Variants in MEGF11 observed in about 807,000 individuals in gnomAD.
MEGF11 encodes multiple EGF like domains 11, also known as multiple epidermal growth factor-like domains protein 11.
MEGF11 carries 126 observed loss-of-function variants against 146.6 expected under a neutral mutation model. The ratio of observed to expected loss-of-function variants is 0.86; its 90% CI spans 0.74 to 1.00. The LOEUF (loss-of-function observed/expected upper bound fraction) is 1.00, where lower values mean the gene tolerates loss of function less well. MEGF11 is among the 50% of genes least tolerant of loss of function. MEGF11 has a pLI of 0.00. For missense variants in MEGF11, 1,509 were observed against 1,521.2 expected, an observed-to-expected ratio of 0.99 and a Z score of 0.13; for synonymous variants, 532 against 583.4, an observed-to-expected ratio of 0.91 and a Z score of 1.27.
chr15:66,217,855 C>A (rs1209538403), intron 1 of MEGF11, among the ~76,000 whole-genome samples: 1 of 152,194 alleles, frequency 6.6e-6, no homozygotes, highest in Non-Finnish European at 1.5e-5. Flanking sequence ...CCCCAAGCAT[C>A]CCTCCCCAGA....
chr15:66,008,439 A>ACACACACACG (rs1567199799), intron 5 of MEGF11, among the ~76,000 whole-genome samples: 11 of 149,398 alleles, frequency 7.4e-5, no homozygotes, highest in Non-Finnish European at 1.3e-4. Context: ...ACACACACAC[A>ACACACACACG]CACACACACA....
chr15:66,040,374 G>C (rs542735861), intron 5 of MEGF11: 1 of 154,568 alleles, frequency 6.5e-6, no homozygotes, highest in South Asian at 2.0e-4. Context: ...GAGGCACTTC[G>C]GACTGGCTCT....
chr15:65,948,357 C>T (rs1417044705), intron 10 of MEGF11, among the ~76,000 whole-genome samples: 1 of 152,078 alleles, frequency 6.6e-6, no homozygotes, highest in African/African-American at 2.4e-5. Flanking sequence ...AGCATTCTTC[C>T]AGCTCCACCA....
At chr15:65,904,009 A>G (rs1441629802) in intron 24 of MEGF11, among the ~76,000 whole-genome samples, 1 of 152,224 alleles carries the variant, frequency 6.6e-6, no homozygotes, top group Non-Finnish European at 1.5e-5. Context: ...CTCAGAGGTC[A>G]GATATATGAT....
intron 5 of MEGF11, among the ~76,000 whole-genome samples, chr15:66,008,414 C>T (rs1435867873): frequency 1.6e-5 from 1 of 62,274 alleles, no homozygotes; most frequent in African/African-American, 5.8e-5. Context: ...CGCGCGCGCA[C>T]ACACACACAC....
In MEGF11 at chr15:65,997,685, T is replaced by C. The variant is rs141986521; in HGVS notation, c.395-15197A>G. ...GGCAGGGGCTCTGTTTTATTCACTGTTATATCCCCAGCGCCTCGAACAGTG... is the reference window on the plus strand; with the variant it reads ...GGCAGGGGCTCTGTTTTATTCACTGCTATATCCCCAGCGCCTCGAACAGTG... On this transcript the variant is annotated intron_variant, in intron 5 of 25. Transcript: ENST00000395614. Among the ~76,000 whole-genome samples, 1,067 of 152,314 alleles carry C rather than the reference T, an allele frequency of 7.0e-3. 2 individuals carry two copies. Among genetic ancestry groups the C allele is most frequent in the Non-Finnish European group, 9.0e-3 (612 of 68,028 alleles).
Position 65,982,460 on chromosome 15 carries a change from G to T in MEGF11, c.423C>A (p.His141Gln). 6.7e-7 allele frequency: 1 copy of T among 1,488,478 alleles called. No individual in the cohort carries two copies. The highest frequency in any genetic ancestry group is 8.9e-7 in the Non-Finnish European group (1 of 1,118,040). The allele number at this position is 1,488,478 out of a possible 1,614,324, so 92.2% of individuals were successfully genotyped here. The change falls in exon 6 of 26, where the codon CAC becomes CAA. Residue 141 changes from histidine (H) to glutamine (Q), a missense_variant. By Grantham distance (24) the His-to-Gln change is conservative (BLOSUM62 0). Coordinates refer to ENST00000395614, the MANE Select transcript of MEGF11 (RefSeq NM_001385028.1). The surrounding 1 kb of genome is among the most constrained non-coding windows in gnomAD (Gnocchi z 5.6). Reference sequence around the variant, plus strand: ...TCTGGCACTGGCACCGGTTGCTGCAGTGGGGCCCCCAGTGGTCGCTGTCGC... The same window carrying T: ...TCTGGCACTGGCACCGGTTGCTGCATTGGGGCCCCCAGTGGTCGCTGTCGC... ...SGCDSDHWGP[H>Q]CSNRCQCQNG...
chr15:66,061,754 G>C (rs1316116721), intron 5 of MEGF11, among the ~76,000 whole-genome samples: 1 of 151,226 alleles, frequency 6.6e-6, no homozygotes, highest in Non-Finnish European at 1.5e-5. Context: ...TCCCGCTTTG[G>C]CCTCCCAAGT....
chr15:66,112,999 T>G (rs1333955287), intron 4 of MEGF11, among the ~76,000 whole-genome samples: 1 of 152,118 alleles, frequency 6.6e-6, no homozygotes, highest in Non-Finnish European at 1.5e-5. Context: ...CGATTTAAAT[T>G]TAAACAATAA....
chr15:66,017,108 G>A (rs565037862), intron 5 of MEGF11, among the ~76,000 whole-genome samples: 32 of 152,286 alleles, frequency 2.1e-4, no homozygotes, highest in South Asian at 1.7e-3. Flanking sequence ...GAGTGCGATC[G>A]ATTAAATTAT....
At chr15:66,082,900 G>A (rs1002498197) in intron 5 of MEGF11, among the ~76,000 whole-genome samples, 2 of 151,988 alleles carry the variant, frequency 1.3e-5, no homozygotes, top group African/African-American at 4.8e-5. Context: ...CATGTGGTGG[G>A]CCACACACAC....
chr15:66,198,422 C>T (rs1567280742), intron 1 of MEGF11, among the ~76,000 whole-genome samples: 1 of 152,226 alleles, frequency 6.6e-6, no homozygotes, highest in Non-Finnish European at 1.5e-5. Context: ...ACTTCACCAC[C>T]CATGTGATCT....
chr15:66,047,936 T>C (rs333606), intron 5 of MEGF11, among the ~76,000 whole-genome samples: 140,848 of 151,256 alleles, frequency 0.93, 66,336 homozygotes, highest in East Asian at 1. Flanking sequence ...GTTATCTCCA[T>C]GGGCCCTGGG....
intron 5 of MEGF11, among the ~76,000 whole-genome samples, chr15:66,073,136 C>A (rs1031067600): frequency 6.6e-6 from 1 of 152,210 alleles, no homozygotes; most frequent in African/African-American, 2.4e-5. Context: ...ACTTCCTGTG[C>A]AGTGCACCCC....
At chr15:66,216,780 C>T (rs1207863720) in intron 1 of MEGF11, among the ~76,000 whole-genome samples, 1 of 152,218 alleles carries the variant, frequency 6.6e-6, no homozygotes, top group South Asian at 2.1e-4. Context: ...TTGAAGGCTA[C>T]AGTATGCTGC....
intron 10 of MEGF11, among the ~76,000 whole-genome samples, chr15:65,955,787 TATATATAC>T (rs2080591454): frequency 1.4e-4 from 1 of 7,128 alleles, no homozygotes; most frequent in Admixed American, 4.0e-3. Context: ...TATATATATA[TATATATAC>T]ACACACACAC....
At chr15:66,185,051 G>T (rs1217951735) in intron 1 of MEGF11, among the ~76,000 whole-genome samples, 1 of 152,062 alleles carries the variant, frequency 6.6e-6, no homozygotes, top group Non-Finnish European at 1.5e-5. Flanking sequence ...AAGGCCACCG[G>T]GTCTGTTCTG....
At chr15:66,115,758 G>A (rs921455888) in intron 4 of MEGF11, among the ~76,000 whole-genome samples, 3 of 152,182 alleles carry the variant, frequency 2.0e-5, no homozygotes, top group South Asian at 2.1e-4. Flanking sequence ...CCACTATGAC[G>A]TGTGTGCTCA....
intron 5 of MEGF11, among the ~76,000 whole-genome samples, chr15:66,091,392 C>A (rs935825020): frequency 6.6e-6 from 1 of 152,202 alleles, no homozygotes. Context: ...TATGAACAAC[C>A]ATGTTTTCTC....
Sources: gnomAD v4.1 joint callset for allele counts (sites outside exome capture counted in the v4.1 genomes callset) on GRCh38, gnomAD v4.1.1 for gene constraint, Gnocchi (gnomAD v3.1) non-coding constraint, MANE v1.5 for transcripts, NCBI Gene and HGNC (gene_info 2026-07-23, HGNC 2026-07-21) for gene names.